The following PEX7 variants were observed in gnomAD, a reference collection of about 807,000 sequenced individuals.
PEX7 encodes PTS2 receptor.
A neutral mutation model predicts 47.5 loss-of-function variants in PEX7; 34 were observed. The ratio of observed to expected loss-of-function variants is 0.72; its 90% CI spans 0.54 to 0.95. The LOEUF is 0.95. PEX7 is among the 40% of genes least tolerant of loss of function. The pLI, the probability that PEX7 is intolerant of heterozygous loss-of-function variation, is 0.00. For synonymous variants in PEX7, 141 were observed against 148.8 expected (o/e 0.95, Z 0.38); for missense variants, 394 against 400.3 (o/e 0.98, Z 0.13).
At chr6:136,894,240 C>T (rs1484588215) in intron 8 of PEX7, among the ~76,000 whole-genome samples, 3 of 151,956 alleles carry the variant, frequency 2.0e-5, no homozygotes, top group South Asian at 2.1e-4. Context: ...GGGCAGATCA[C>T]AAGGTCAGGA....
At chr6:136,840,461 A>T (rs1774475432) in intron 3 of PEX7, among the ~76,000 whole-genome samples, 1 of 151,726 alleles carries the variant, frequency 6.6e-6, no homozygotes, top group African/African-American at 2.4e-5. Flanking sequence ...GGGTAGTAAG[A>T]ATCAGCATGG....
intron 8 of PEX7, among the ~76,000 whole-genome samples, chr6:136,894,361 G>A (rs2115267144): frequency 6.6e-6 from 1 of 152,298 alleles, no homozygotes; most frequent in African/African-American, 2.4e-5. Flanking sequence ...GGAGGCCGAG[G>A]CGGGCAGATC....
intron 1 of PEX7, among the ~76,000 whole-genome samples, chr6:136,823,614 C>T (rs2180709): frequency 6.6e-6 from 1 of 151,948 alleles, no homozygotes; most frequent in Non-Finnish European, 1.5e-5. Context: ...GGCCAAGCGC[C>T]GTGCGGTGGC....
At chr6:136,887,151 T>A (rs994731301) in intron 8 of PEX7, among the ~76,000 whole-genome samples, 2 of 152,128 alleles carry the variant, frequency 1.3e-5, no homozygotes, top group Non-Finnish European at 2.9e-5. Flanking sequence ...CTACACACAT[T>A]TGTTGAAAAA....
In PEX7 at chr6:136,900,475, C is replaced by T; in HGVS notation, c.903+2234C>T. The T allele has an allele frequency of 2.1e-6, 1 of 471,770 alleles. No individual in the cohort carries two copies. Among genetic ancestry groups the T allele is most frequent in the East Asian group, 5.8e-5 (1 of 17,132 alleles). The allele number at this position is 471,770 out of a possible 1,614,324, so 29.2% of individuals were successfully genotyped here. On this transcript the variant is annotated intron_variant, in intron 9 of 9. Transcript: ENST00000318471. This position sits in a 1 kb window ranked among gnomAD's most constrained non-coding sequence, Gnocchi z 4.2. ...ACCAAGGACATTGCCCCCCCAGTGA[C>T]AGCAGATCTCATCGTGTCTGTCATT... is the stretch of plus-strand genomic sequence containing the variant.
At chr6:136,912,990 C>T (rs546824240) in intron 9 of PEX7, among the ~76,000 whole-genome samples, 17 of 152,312 alleles carry the variant, frequency 1.1e-4, no homozygotes, top group African/African-American at 3.4e-4. Flanking sequence ...ATCATATAGT[C>T]CCCCTAAGAG....
At chr6:136,834,335 G>C (rs935300399) in intron 3 of PEX7, among the ~76,000 whole-genome samples, 10 of 152,180 alleles carry the variant, frequency 6.6e-5, no homozygotes, top group African/African-American at 2.4e-4. Context: ...TCCTGCTTCA[G>C]CCTCCTAAGT....
chr6:136,893,177 A>T (rs1775586262), intron 8 of PEX7, among the ~76,000 whole-genome samples: 1 of 151,570 alleles, frequency 6.6e-6, no homozygotes, highest in Non-Finnish European at 1.5e-5. Context: ...GTTGCTGCTT[A>T]AAATCCTTCA....
In PEX7 at chr6:136,900,498, A is replaced by G; in HGVS notation, c.903+2257A>G. 2.1e-6 allele frequency: 1 copy of G among 481,822 alleles called. No individual in the cohort carries two copies. The highest frequency in any genetic ancestry group is 4.1e-6 in the Non-Finnish European group (1 of 241,926). 29.8% of individuals were successfully genotyped at this position (481,822 alleles called of 1,614,324 possible). Reference sequence around the variant, plus strand: ...GACAGCAGATCTCATCGTGTCTGTCATTGTAATTGGTCCTGATAGCTTCCA... The same window carrying G: ...GACAGCAGATCTCATCGTGTCTGTCGTTGTAATTGGTCCTGATAGCTTCCA... On this transcript the variant is annotated intron_variant, in intron 9 of 9. Coordinates refer to ENST00000318471, the MANE Select transcript of PEX7 (RefSeq NM_000288.4). The surrounding 1 kb of genome is among the most constrained non-coding windows in gnomAD (Gnocchi z 4.2).
At chr6:136,876,220 G>A (rs1434932202) in intron 8 of PEX7, among the ~76,000 whole-genome samples, 1 of 151,998 alleles carries the variant, frequency 6.6e-6, no homozygotes, top group Non-Finnish European at 1.5e-5. Flanking sequence ...TGTATTTTTA[G>A]TAGAGATGGG....
intron 5 of PEX7, 146 bp from the exon 6 acceptor site, chr6:136,866,481 T>TTATG: frequency 1.4e-6 from 1 of 702,922 alleles, no homozygotes; most frequent in Non-Finnish European, 2.6e-6. Flanking sequence ...CTATACATTA[T>TTATG]TATGGTTTAA....
At chr6:136,848,876 A>G (rs1774683067) in intron 5 of PEX7, among the ~76,000 whole-genome samples, 1 of 152,142 alleles carries the variant, frequency 6.6e-6, no homozygotes. Context: ...AAAATGAGTT[A>G]AGGAGGATTC....
At chr6:136,865,872 C>T (rs959969256) in intron 5 of PEX7, among the ~76,000 whole-genome samples, 2 of 152,058 alleles carry the variant, frequency 1.3e-5, no homozygotes, top group Non-Finnish European at 2.9e-5. Context: ...ATCACGAGGT[C>T]AGGCAATCGA....
chr6:136,875,786 A>G (rs73569936), intron 8 of PEX7, among the ~76,000 whole-genome samples: 183 of 152,318 alleles, frequency 1.2e-3, no homozygotes, highest in African/African-American at 4.3e-3. Flanking sequence ...GCAGGCTTCT[A>G]TATCTCCCTG....
chr6:136,883,114 A>G (rs551008085), intron 8 of PEX7, among the ~76,000 whole-genome samples: 1 of 152,348 alleles, frequency 6.6e-6, no homozygotes, highest in Non-Finnish European at 1.5e-5. Context: ...TAAGGAATTC[A>G]TGTGAAGTAA....
At chr6:136,825,161 C>A (rs553309752) in intron 1 of PEX7, 53 bp from the exon 2 acceptor site, 1 of 1,434,400 alleles carries the variant, frequency 7.0e-7, no homozygotes, top group South Asian at 1.1e-5. Flanking sequence ...CCTTGACTTT[C>A]GATGTTACCC....
intron 1 of PEX7, 97 bp from the exon 2 acceptor site, chr6:136,825,116 TG>T: frequency 1.0e-6 from 1 of 968,790 alleles, no homozygotes; most frequent in Non-Finnish European, 1.7e-6. Flanking sequence ...GAAAAATTTG[TG>T]GTATTAAAAT....
At chr6:136,853,143 T>C (rs1774791158) in intron 5 of PEX7, among the ~76,000 whole-genome samples, 1 of 152,228 alleles carries the variant, frequency 6.6e-6, no homozygotes, top group African/African-American at 2.4e-5. Flanking sequence ...AATAGTTTCA[T>C]TGGGATGCAG....
chr6:136,835,962 G>T (rs1232720991), intron 3 of PEX7, among the ~76,000 whole-genome samples: 1 of 152,182 alleles, frequency 6.6e-6, no homozygotes, highest in Admixed American at 6.5e-5. Context: ...TTTGAAGCAT[G>T]ACTGCTGCTA....
Sources: gnomAD v4.1 joint callset for allele counts (sites outside exome capture counted in the v4.1 genomes callset) on GRCh38, gnomAD v4.1.1 for gene constraint, Gnocchi (gnomAD v3.1) non-coding constraint, MANE v1.5 for transcripts, NCBI Gene and HGNC (gene_info 2026-07-23, HGNC 2026-07-21) for gene names.